SNX29: variants seen among roughly 807,000 people sequenced by gnomAD.
SNX29 encodes the protein sorting nexin 29, also known as sorting nexin-29.
In SNX29, 78 loss-of-function variants were observed where a neutral mutation model predicts 102.1. The observed-to-expected ratio is 0.76, with a 90% CI of 0.64 to 0.92. The LOEUF (loss-of-function observed/expected upper bound fraction) is 0.92, where lower values mean the gene tolerates loss of function less well. SNX29 is among the 40% of genes least tolerant of loss of function. The probability of loss-of-function intolerance (pLI) is 0.00; values close to 1 mark genes in which losing one functional copy is unlikely to be tolerated. For missense variants in SNX29, 1,280 were observed against 1,061.7 expected, an observed-to-expected ratio of 1.21 and a Z score of -2.86; for synonymous variants, 580 against 414.5, an observed-to-expected ratio of 1.40 and a Z score of -4.85.
chr16:12,054,323 A>G (rs7202330), intron 8 of SNX29, among the ~76,000 whole-genome samples: 60,946 of 151,972 alleles, frequency 0.4, 12,793 homozygotes, highest in Middle Eastern at 0.51. Flanking sequence ...TTGTTGATGT[A>G]ATGGTTAATT....
chr16:12,462,012 TGTATACAC>T (rs1405840696), intron 18 of SNX29, among the ~76,000 whole-genome samples: 1 of 62,772 alleles, frequency 1.6e-5, no homozygotes, highest in Non-Finnish European at 2.7e-5. Context: ...TATATATATA[TGTATACAC>T]ACACACACAC....
intron 11 of SNX29, among the ~76,000 whole-genome samples, chr16:12,085,284 G>A (rs573938599): frequency 1.3e-5 from 2 of 152,290 alleles, no homozygotes; most frequent in African/African-American, 4.8e-5. Context: ...TCCGAGGAGA[G>A]TGGCATTTGA....
intron 15 of SNX29, among the ~76,000 whole-genome samples, chr16:12,278,957 AT>A (rs1209687377): frequency 1.3e-5 from 2 of 152,324 alleles, no homozygotes; most frequent in East Asian, 3.9e-4. Context: ...TTGATACCTG[AT>A]TAAAAAAAGG....
chr16:12,249,255 G>T (rs1203100449), intron 14 of SNX29, among the ~76,000 whole-genome samples: 1 of 152,148 alleles, frequency 6.6e-6, no homozygotes, highest in Admixed American at 6.5e-5. Context: ...AAGGTGTCTG[G>T]GTCCTTGGCT....
intron 11 of SNX29, among the ~76,000 whole-genome samples, chr16:12,101,478 G>T (rs988335494): frequency 3.3e-5 from 5 of 151,738 alleles, no homozygotes; most frequent in African/African-American, 7.3e-5. Context: ...CCACCTCCCG[G>T]GTTCAAGCGA....
chr16:12,309,429 C>T (rs2080457411), intron 15 of SNX29, among the ~76,000 whole-genome samples: 1 of 152,186 alleles, frequency 6.6e-6, no homozygotes, highest in South Asian at 2.1e-4. Context: ...CTGATCCCCC[C>T]ACAAGTAACC....
At chr16:12,373,591 A>G (rs572530772) in intron 16 of SNX29, 2 of 152,238 alleles carry the variant, frequency 1.3e-5, no homozygotes, top group African/African-American at 2.4e-5. Flanking sequence ...ATTTTTCCTC[A>G]TAATACTAAT....
rs913462010 is a variant in SNX29 at position 12,211,762 on chromosome 16, TTTTG to T, written c.1678+12095_1678+12098del. 9.8e-5 allele frequency among the ~76,000 whole-genome samples: 15 copies of T among 152,288 alleles called. No individual in the cohort carries two copies. In the South Asian group the frequency reaches 1.5e-3, roughly 15 times the overall value. The stretch of plus-strand genomic sequence containing the variant: ...CGTACTTCCTTATGAAACCTCCGTT[TTTTG>T]TTTGTTTGTTTGTTTTTTCTTCTTA... On this transcript the variant is annotated intron_variant, in intron 14 of 20. Transcript: ENST00000566228.
chr16:12,418,361 G>A lies in SNX29; in HGVS notation c.2037+14832G>A, dbSNP rs536669473. ...TGTAGGATGTTCATGTTGACGATGAGGATTGTATTTATTTTTTTTTTGCTA... is the reference window on the plus strand; with the variant it reads ...TGTAGGATGTTCATGTTGACGATGAAGATTGTATTTATTTTTTTTTTGCTA... On this transcript the variant is annotated intron_variant, in intron 18 of 20. Coordinates refer to ENST00000566228, the MANE Select transcript of SNX29 (RefSeq NM_032167.5). Among the ~76,000 whole-genome samples, 10 of 135,662 alleles carry A rather than the reference G, an allele frequency of 7.4e-5. No individual in the cohort carries two copies. In the South Asian group the frequency reaches 2.3e-3, roughly 31 times the overall value. The allele number at this position is 135,662 out of a possible 152,430, so 89.0% of individuals were successfully genotyped here. A position where few individuals can be genotyped will look rare whatever the true frequency, so the allele number is the denominator to read the frequency against.
chr16:12,113,119 C>G (rs888651283), intron 11 of SNX29, among the ~76,000 whole-genome samples: 1 of 152,244 alleles, frequency 6.6e-6, no homozygotes, highest in African/African-American at 2.4e-5. Context: ...CTCTGCTTCC[C>G]TTCCCTGCTC....
chr16:12,553,470 C>T (rs1166916548), intron 20 of SNX29, among the ~76,000 whole-genome samples: 1 of 152,098 alleles, frequency 6.6e-6, no homozygotes, highest in Non-Finnish European at 1.5e-5. Flanking sequence ...TCAGACCAGC[C>T]CCAGCTGCTT....
chr16:12,542,416 G>T (rs920128239), intron 20 of SNX29, among the ~76,000 whole-genome samples: 19 of 152,196 alleles, frequency 1.2e-4, no homozygotes, highest in Admixed American at 1.2e-3. Context: ...CCTCACTACA[G>T]CCTTCGCCTC....
chr16:12,020,759 G>T (rs923224095), intron 3 of SNX29, among the ~76,000 whole-genome samples: 23 of 151,990 alleles, frequency 1.5e-4, no homozygotes, highest in Non-Finnish European at 2.6e-4. Flanking sequence ...GAGTAGCTGG[G>T]ATTACAGGCA....
rs192761380 is a variant in SNX29, at chr16:12,261,567, G to A, written c.1679-16366G>A. Among the ~76,000 whole-genome samples the A allele has an allele frequency of 3.2e-3, 404 of 128,056 alleles. 1 individual carries two copies. Among genetic ancestry groups the A allele is most frequent in the African/African-American group, 0.011 (370 of 33,328 alleles). 84.0% of individuals were successfully genotyped at this position (128,056 alleles called of 152,430 possible). The stretch of plus-strand genomic sequence containing the variant: ...GGAGTAAGTGTTTGCTCTGAGCTTC[G>A]GTCTGTGTGTGCATCCCTGGCTGGA... On this transcript the variant is annotated intron_variant, in intron 14 of 20. Transcript: ENST00000566228.
chr16:12,538,532 G>A (rs567680421), intron 20 of SNX29, among the ~76,000 whole-genome samples: 15 of 152,270 alleles, frequency 9.9e-5, no homozygotes, highest in Admixed American at 2.6e-4. Flanking sequence ...TTGCTTATGC[G>A]TGAGGTGATG....
At chr16:12,290,291 G>A (rs372167102) in intron 15 of SNX29, among the ~76,000 whole-genome samples, 1 of 152,128 alleles carries the variant, frequency 6.6e-6, no homozygotes, top group African/African-American at 2.4e-5. Context: ...TCTCACTGCA[G>A]ACCTTCACAC....
At chr16:12,553,048 G>A (rs150725204) in intron 20 of SNX29, among the ~76,000 whole-genome samples, 6 of 152,356 alleles carry the variant, frequency 3.9e-5, no homozygotes, top group East Asian at 1.9e-4. Context: ...GACACTAATT[G>A]GAGATGGTAA....
At chr16:11,999,798 G>A (rs765486809) in intron 2 of SNX29, among the ~76,000 whole-genome samples, 31 of 152,064 alleles carry the variant, frequency 2.0e-4, no homozygotes, top group Non-Finnish European at 4.1e-4. Flanking sequence ...CTACTTGGGA[G>A]GCTGAGGCAG....
chr16:12,282,952 CG>C (rs755399511), intron 15 of SNX29, among the ~76,000 whole-genome samples: 4 of 152,112 alleles, frequency 2.6e-5, no homozygotes, highest in Non-Finnish European at 5.9e-5. Context: ...CCACTGCACT[CG>C]GCCCACAGTT....
Sources: allele counts gnomAD v4.1 joint callset (sites outside exome capture counted in the v4.1 genomes callset), GRCh38; gene constraint gnomAD v4.1.1; transcripts MANE v1.5; gene names NCBI Gene and HGNC (gene_info 2026-07-23, HGNC 2026-07-21).